The following LGSN variants were observed in gnomAD, a reference collection of about 807,000 sequenced individuals.
LGSN encodes lengsin.
LGSN carries 21 observed loss-of-function variants against 19.5 expected under a neutral mutation model. The observed-to-expected ratio is 1.07, with a 90% CI of 0.76 to 1.55. The LOEUF is 1.55. Among genes scored for constraint, LGSN ranks in the 40% most tolerant of loss-of-function variants. LGSN has a pLI of 0.00. For missense variants in LGSN, 673 were observed against 608.5 expected, an observed-to-expected ratio of 1.11 and a Z score of -1.12; for synonymous variants, 257 against 215.6, an observed-to-expected ratio of 1.19 and a Z score of -1.68.
At chr6:63,301,446 A>C (rs1465833617) in intron 1 of LGSN, among the ~76,000 whole-genome samples, 2 of 152,074 alleles carry the variant, frequency 1.3e-5, no homozygotes, top group Non-Finnish European at 2.9e-5. Flanking sequence ...AAAATGAAAA[A>C]ATTATATAAA....
intron 1 of LGSN, among the ~76,000 whole-genome samples, chr6:63,316,177 A>C (rs1430947743): frequency 6.6e-6 from 1 of 152,154 alleles, no homozygotes; most frequent in African/African-American, 2.4e-5. Context: ...CAAGATAATA[A>C]CCTAGACCTA....
chr6:63,384,846 A>G, the LGSN span, among the ~76,000 whole-genome samples: 55 of 152,304 alleles, frequency 3.6e-4, no homozygotes, highest in East Asian at 0.01. Flanking sequence ...AGGTTACTAA[A>G]ATTAAATGAG....
At chr6:63,455,877 C>T in the LGSN span, among the ~76,000 whole-genome samples, 1 of 150,982 alleles carries the variant, frequency 6.6e-6, no homozygotes, top group Admixed American at 6.6e-5. Flanking sequence ...GAGTTCAAGA[C>T]CACACTGGGC....
chr6:63,366,714 A>T, the LGSN span, among the ~76,000 whole-genome samples: 1 of 152,210 alleles, frequency 6.6e-6, no homozygotes, highest in South Asian at 2.1e-4. Context: ...AGTAACCAAA[A>T]CAGCATGGTA....
chr6:63,514,123 G>T, the LGSN span, among the ~76,000 whole-genome samples: 4 of 152,066 alleles, frequency 2.6e-5, no homozygotes, highest in African/African-American at 7.2e-5. Context: ...TCCTGTTCTT[G>T]CTCAATGTTT....
At chr6:63,398,762 T>C in the LGSN span, among the ~76,000 whole-genome samples, 1 of 152,214 alleles carries the variant, frequency 6.6e-6, no homozygotes, top group African/African-American at 2.4e-5. Context: ...ACTCACTCAC[T>C]GACTTACTCA....
chr6:63,528,978 A>G, the LGSN span, among the ~76,000 whole-genome samples: 1 of 151,468 alleles, frequency 6.6e-6, no homozygotes, highest in Non-Finnish European at 1.5e-5. Flanking sequence ...AATCCCAGCT[A>G]CTTGGGAGGC....
At chr6:63,377,913 C>CAAAA in the LGSN span, among the ~76,000 whole-genome samples, 24 of 54,322 alleles carry the variant, frequency 4.4e-4, no homozygotes, top group Middle Eastern at 0.031. Flanking sequence ...GACTCCATCT[C>CAAAA]AAAAAAAAAA....
the LGSN span, among the ~76,000 whole-genome samples, chr6:63,533,913 G>A: frequency 1.3e-5 from 2 of 151,074 alleles, no homozygotes; most frequent in Non-Finnish European, 1.5e-5. Flanking sequence ...GTGTGATCTC[G>A]GCTCATTACA....
At chr6:63,554,523 C>A in the LGSN span, among the ~76,000 whole-genome samples, 52 of 152,258 alleles carry the variant, frequency 3.4e-4, no homozygotes, top group East Asian at 0.01. Flanking sequence ...TTAGGCCGGG[C>A]ACGGTGGCTC....
chr6:63,466,952 T>C, the LGSN span, among the ~76,000 whole-genome samples: 1 of 152,090 alleles, frequency 6.6e-6, no homozygotes, highest in Non-Finnish European at 1.5e-5. Context: ...AAGAAAATGA[T>C]GAATAAAATA....
Position 63,280,533 on chromosome 6 carries a change from T to G in LGSN, c.1018A>C (p.Thr340Pro), listed in dbSNP as rs1245075121. ...AGTCCTGCCAACCATTTTTTCCCAG[T>G]GATCGTGAGCTGCTCAGTTCCAGAA... is the stretch of plus-strand genomic sequence containing the variant. ...STSGTEQLTI[T>P]GKKWLAGLLK... Residue 340 changes from threonine to proline, a missense_variant, in exon 4 of 4, where the codon ACT (threonine) becomes CCT (proline). Coordinates refer to ENST00000370657, the MANE Select transcript of LGSN (RefSeq NM_016571.3). 2 of 1,614,112 alleles carry G rather than the reference T, an allele frequency of 1.2e-6. No individual in the cohort carries two copies. The highest frequency in any genetic ancestry group is 2.2e-5 in the East Asian group (1 of 44,884).
At chr6:63,463,314 TA>T in the LGSN span, among the ~76,000 whole-genome samples, 4 of 152,146 alleles carry the variant, frequency 2.6e-5, no homozygotes, top group Admixed American at 2.6e-4. Flanking sequence ...CTTTATTCAT[TA>T]TTATTATTTA....
chr6:63,416,546 A>C, the LGSN span, among the ~76,000 whole-genome samples: 1 of 152,122 alleles, frequency 6.6e-6, no homozygotes, highest in Non-Finnish European at 1.5e-5. Flanking sequence ...TGTACACACA[A>C]TTTATAAAAT....
At chr6:63,503,992 AATT>A in the LGSN span, among the ~76,000 whole-genome samples, 10 of 152,124 alleles carry the variant, frequency 6.6e-5, no homozygotes, top group African/African-American at 2.2e-4. Context: ...ATAATAATAA[AATT>A]ATAATTCCCT....
the LGSN span, among the ~76,000 whole-genome samples, chr6:63,532,171 C>T: frequency 6.6e-6 from 1 of 152,184 alleles, no homozygotes; most frequent in African/African-American, 2.4e-5. Context: ...TTAGAAATAA[C>T]AATTCAATCT....
At chr6:63,555,342 A>T in the LGSN span, among the ~76,000 whole-genome samples, 5 of 152,212 alleles carry the variant, frequency 3.3e-5, no homozygotes, top group Admixed American at 3.3e-4. Context: ...AATATTTAAT[A>T]ATTCAATATT....
chr6:63,404,942 C>T, the LGSN span, among the ~76,000 whole-genome samples: 165 of 147,774 alleles, frequency 1.1e-3, 2 homozygotes, highest in Admixed American at 7.5e-3. Context: ...TCTCCCGATG[C>T]TATCCCTCCC....
At chr6:63,282,106 C>T (rs1290205606) in intron 3 of LGSN, among the ~76,000 whole-genome samples, 1 of 152,142 alleles carries the variant, frequency 6.6e-6, no homozygotes, top group Non-Finnish European at 1.5e-5. Context: ...TGAATTTGGT[C>T]ATTTATTTAA....
Sources: gnomAD v4.1 joint callset for allele counts (sites outside exome capture counted in the v4.1 genomes callset) on GRCh38, gnomAD v4.1.1 for gene constraint, MANE v1.5 for transcripts, NCBI Gene and HGNC (gene_info 2026-07-23, HGNC 2026-07-21) for gene names.